Variants in KCNQ5 observed in about 807,000 individuals in gnomAD.
The protein encoded by KCNQ5 is potassium voltage-gated channel subfamily Q member 5, also known as potassium voltage-gated channel subfamily KQT member 5.
In KCNQ5, 30 loss-of-function variants were observed where a neutral mutation model predicts 98.2. That is an observed-to-expected ratio of 0.31 (90% CI 0.23 to 0.41). KCNQ5 has a LOEUF of 0.41. KCNQ5 is among the 10% of genes least tolerant of loss of function. KCNQ5 has a pLI of 1.00. For synonymous variants in KCNQ5, 458 were observed against 449.4 expected (o/e 1.02, Z -0.24); for missense variants, 835 against 1,182.5 (o/e 0.71, Z 4.31).
At position 73,194,503 on chromosome 6, in the gene KCNQ5, G is replaced by A; in HGVS notation, c.1888G>A (p.Val630Ile). The change falls in exon 14 of 14, where the codon GTC becomes ATC. Residue 630 changes from valine to isoleucine, a missense_variant. This residue lies in a region of KCNQ5 where 416 missense variants were observed against 446.9 expected (regional missense o/e 0.93). Coordinates refer to ENST00000370398, the MANE Select transcript of KCNQ5 (RefSeq NM_019842.4). ...CTGCCTACTAGACATCTATCAACAGGTCCTTCGGAAAGGCTCTGCCTCAGC... is the reference window on the plus strand; with the variant it reads ...CTGCCTACTAGACATCTATCAACAGATCCTTCGGAAAGGCTCTGCCTCAGC... Reference protein sequence around the residue: ...LDCLLDIYQQVLRKGSASALA... With the variant: ...LDCLLDIYQQILRKGSASALA... The A allele has an allele frequency of 6.2e-7, 1 of 1,614,132 alleles. No individual in the cohort carries two copies. Among genetic ancestry groups the A allele is most frequent in the Non-Finnish European group, 8.5e-7 (1 of 1,179,980 alleles).
At chr6:72,868,239 A>G (rs1778072124) in intron 1 of KCNQ5, among the ~76,000 whole-genome samples, 1 of 152,146 alleles carries the variant, frequency 6.6e-6, no homozygotes, top group South Asian at 2.1e-4. Context: ...ATCTGTTTAG[A>G]AGAGATGCCT....
intron 2 of KCNQ5, among the ~76,000 whole-genome samples, chr6:73,005,347 T>C (rs1183134344): frequency 6.6e-6 from 1 of 152,200 alleles, no homozygotes; most frequent in Non-Finnish European, 1.5e-5. Context: ...GGTCCACATA[T>C]GGAACTACAA....
chr6:72,925,132 G>C (rs574169159), intron 1 of KCNQ5, among the ~76,000 whole-genome samples: 3 of 152,232 alleles, frequency 2.0e-5, no homozygotes, highest in South Asian at 4.2e-4. Flanking sequence ...TTAATAAAGG[G>C]AATAATTGAG....
chr6:72,862,909 C>A (rs1362097931), intron 1 of KCNQ5, among the ~76,000 whole-genome samples: 1 of 152,116 alleles, frequency 6.6e-6, no homozygotes, highest in Admixed American at 6.6e-5. Context: ...ATTATAGGTA[C>A]AAACCACTGC....
intron 1 of KCNQ5, among the ~76,000 whole-genome samples, chr6:72,841,557 T>C (rs1261846797): frequency 6.6e-6 from 1 of 152,244 alleles, no homozygotes; most frequent in Admixed American, 6.5e-5. Context: ...TTCTTTCTCA[T>C]GCATATTCCT....
At chr6:72,694,096 G>A (rs1768357184) in intron 1 of KCNQ5, among the ~76,000 whole-genome samples, 1 of 152,156 alleles carries the variant, frequency 6.6e-6, no homozygotes, top group Admixed American at 6.5e-5. Context: ...CCTGTTTTAA[G>A]CTACAGGGTC....
At chr6:72,855,678 T>C (rs1212409400) in intron 1 of KCNQ5, among the ~76,000 whole-genome samples, 1 of 152,184 alleles carries the variant, frequency 6.6e-6, no homozygotes, top group African/African-American at 2.4e-5. Context: ...AGCACTATTA[T>C]GGAAACCAAG....
chr6:73,032,649 T>C (rs1771201862), intron 2 of KCNQ5, among the ~76,000 whole-genome samples: 1 of 152,230 alleles, frequency 6.6e-6, no homozygotes, highest in Non-Finnish European at 1.5e-5. Flanking sequence ...TAATTTGTGA[T>C]TATTTTACAA....
chr6:73,189,282 C>A (rs996207320), intron 11 of KCNQ5, among the ~76,000 whole-genome samples: 2 of 151,832 alleles, frequency 1.3e-5, no homozygotes, highest in Non-Finnish European at 2.9e-5. Context: ...AAAACCTATA[C>A]TGAATAAAGA....
chr6:72,629,691 T>C (rs1484308652), intron 1 of KCNQ5, among the ~76,000 whole-genome samples: 1 of 152,238 alleles, frequency 6.6e-6, no homozygotes, highest in Non-Finnish European at 1.5e-5. Context: ...TGTTTTATCC[T>C]AGCCCAATGG....
At chr6:73,114,704 C>A (rs1215936818) in intron 7 of KCNQ5, among the ~76,000 whole-genome samples, 3 of 152,240 alleles carry the variant, frequency 2.0e-5, no homozygotes, top group East Asian at 3.9e-4. Flanking sequence ...TCCCTGCTGT[C>A]TGAATCTGAA....
At chr6:72,806,247 G>A (rs13209945) in intron 1 of KCNQ5, among the ~76,000 whole-genome samples, 6,109 of 152,090 alleles carry the variant, frequency 0.04, 399 homozygotes, top group African/African-American at 0.14. Context: ...AATCATAGAA[G>A]ACAATAGAGG....
At chr6:72,705,188 G>C (rs369081973) in intron 1 of KCNQ5, among the ~76,000 whole-genome samples, 38 of 152,242 alleles carry the variant, frequency 2.5e-4, no homozygotes, top group Middle Eastern at 3.4e-3. Flanking sequence ...ACCATGGGGC[G>C]TACTAAATAA....
At chr6:72,921,877 T>C (rs1488713045) in intron 1 of KCNQ5, among the ~76,000 whole-genome samples, 2 of 152,162 alleles carry the variant, frequency 1.3e-5, no homozygotes, top group Admixed American at 6.5e-5. Context: ...CCAACTTGGC[T>C]TTATGATCTG....
intron 1 of KCNQ5, chr6:72,987,650 G>A (rs556831154): frequency 4.7e-4 from 287 of 612,986 alleles, no homozygotes; most frequent in South Asian, 4.3e-3. Context: ...GCCATGAGCT[G>A]GAAGTACAGC....
At chr6:72,750,591 GTTC>G (rs540907688) in intron 1 of KCNQ5, among the ~76,000 whole-genome samples, 2,687 of 152,006 alleles carry the variant, frequency 0.018, 41 homozygotes, top group Middle Eastern at 0.048. Flanking sequence ...TGCTTTTTAA[GTTC>G]ACTTGATTAA....
chr6:73,194,603 G>A lies in KCNQ5; in HGVS notation c.1988G>A (p.Ser663Asn). 1.2e-6 allele frequency: 2 copies of A among 1,614,204 alleles called. No individual in the cohort carries two copies. Among genetic ancestry groups the A allele is most frequent in the Non-Finnish European group, 1.7e-6 (2 of 1,180,028 alleles). Residue 663 changes from serine (S) to asparagine (N), a missense_variant, in exon 14 of 14, where the codon AGC (serine) becomes AAC (asparagine). By Grantham distance (46) the Ser-to-Asn change is conservative (BLOSUM62 1). Around this residue, in one of 10 missense-constraint regions of KCNQ5, gnomAD observed 416 missense variants for 446.9 expected, o/e 0.93. Transcript: ENST00000370398. ...QTSDYQSPVD[S>N]KDLSGSAQNS... ...TCTGACTATCAAAGCCCTGTGGATA[G>A]CAAAGATCTTTCGGGTTCCGCACAA...
intron 1 of KCNQ5, among the ~76,000 whole-genome samples, chr6:72,657,424 CCT>C (rs1468955256): frequency 5.9e-5 from 9 of 152,018 alleles, no homozygotes; most frequent in South Asian, 4.2e-4. Context: ...AAATTCATCC[CCT>C]GATTAATTCA....
At chr6:72,712,533 G>A (rs935479842) in intron 1 of KCNQ5, among the ~76,000 whole-genome samples, 1 of 152,140 alleles carries the variant, frequency 6.6e-6, no homozygotes, top group Non-Finnish European at 1.5e-5. Flanking sequence ...TCAGTTAATA[G>A]CCGCTTGGAA....
Sources: allele counts gnomAD v4.1 joint callset (sites outside exome capture counted in the v4.1 genomes callset), GRCh38; gene constraint gnomAD v4.1.1; regional missense constraint gnomAD v4.1.1; transcripts MANE v1.5; gene names NCBI Gene and HGNC (gene_info 2026-07-23, HGNC 2026-07-21).